The following COLQ variants were observed in gnomAD, a reference collection of about 807,000 sequenced individuals.
The protein encoded by COLQ is acetylcholinesterase collagenic tail peptide.
In COLQ, 48 loss-of-function variants were observed where a neutral mutation model predicts 69.0. The observed-to-expected ratio is 0.70, with a 90% CI of 0.55 to 0.88. The LOEUF (loss-of-function observed/expected upper bound fraction) is 0.88. Ranked by LOEUF, COLQ falls within the 40% of genes least tolerant of loss-of-function variation. COLQ has a pLI of 0.00. For synonymous variants in COLQ, 217 were observed against 211.2 expected, an observed-to-expected ratio of 1.03 and a Z score of -0.24; for missense variants, 618 against 594.6, an observed-to-expected ratio of 1.04 and a Z score of -0.41.
chr3:15,521,457 A>G (rs1190071196), intron 1 of COLQ, 63 bp downstream of exon 1: 2 of 1,606,004 alleles, frequency 1.2e-6, no homozygotes, highest in Non-Finnish European at 1.7e-6. Flanking sequence ...TTGCAAAACA[A>G]TCTTCCTTCC....
chr3:15,485,164 C>T (rs927738061), intron 3 of COLQ, among the ~76,000 whole-genome samples: 2 of 152,238 alleles, frequency 1.3e-5, no homozygotes, highest in Non-Finnish European at 2.9e-5. Flanking sequence ...TGGAGGTCCA[C>T]TCCAGACCCT....
intron 1 of COLQ, among the ~76,000 whole-genome samples, chr3:15,515,350 C>G (rs544508364): frequency 5.9e-5 from 9 of 152,154 alleles, no homozygotes; most frequent in Admixed American, 2.0e-4. Flanking sequence ...CAGTTCATAA[C>G]CAAGGGAGGC....
At chr3:15,460,180 G>A (rs1030207307) in intron 12 of COLQ, among the ~76,000 whole-genome samples, 4 of 152,184 alleles carry the variant, frequency 2.6e-5, no homozygotes, top group Admixed American at 6.5e-5. Context: ...GTAGAATGTC[G>A]CTCCACAAGG....
chr3:15,491,553 A>G (rs1215004175), intron 1 of COLQ, among the ~76,000 whole-genome samples: 1 of 152,248 alleles, frequency 6.6e-6, no homozygotes. Context: ...CCGTGCACAC[A>G]CACTCGCTCG....
intron 11 of COLQ, among the ~76,000 whole-genome samples, chr3:15,469,483 C>T (rs1559517452): frequency 6.6e-6 from 1 of 152,110 alleles, no homozygotes; most frequent in Non-Finnish European, 1.5e-5. Flanking sequence ...CCATGCTACC[C>T]ATGATCAAAG....
chr3:15,496,277 C>T, intron 1 of COLQ: 2 of 153,772 alleles, frequency 1.3e-5, no homozygotes, highest in Middle Eastern at 1.1e-3. Flanking sequence ...CCATCTATTT[C>T]TGCCCTCCCC....
intron 4 of COLQ, 149 bp from the exon 5 acceptor site, chr3:15,479,152 C>T (rs1405604467): frequency 9.5e-6 from 11 of 1,160,400 alleles, no homozygotes; most frequent in Middle Eastern, 1.9e-4. Context: ...CGATAGGCCA[C>T]GTCAAAATAC....
At chr3:15,480,899 T>C (rs920147841) in intron 3 of COLQ, among the ~76,000 whole-genome samples, 7 of 152,250 alleles carry the variant, frequency 4.6e-5, no homozygotes, top group Admixed American at 2.0e-4. Context: ...TATCTCATTG[T>C]GGTTTTGATT....
At chr3:15,456,760 C>T (rs2062032335) in intron 13 of COLQ, among the ~76,000 whole-genome samples, 181 bp from the exon 14 acceptor site, 2 of 152,200 alleles carry the variant, frequency 1.3e-5, no homozygotes, top group African/African-American at 4.8e-5. Flanking sequence ...CTCATCTTCT[C>T]AATCGAGTTC....
At chr3:15,467,670 T>C (rs2062219004) in intron 11 of COLQ, 1 of 351,204 alleles carries the variant, frequency 2.8e-6, no homozygotes, top group Non-Finnish European at 5.6e-6. Context: ...TTGCTAATTG[T>C]CTGCTCTTGC....
At chr3:15,455,863 C>T in intron 15 of COLQ, 36 bp downstream of exon 15, 1 of 1,613,534 alleles carries the variant, frequency 6.2e-7, no homozygotes. Context: ...CCCTGCTGTT[C>T]AGGCCTCAGG....
intron 12 of COLQ, among the ~76,000 whole-genome samples, chr3:15,460,194 G>A (rs1194116806): frequency 6.6e-6 from 1 of 152,222 alleles, no homozygotes; most frequent in East Asian, 1.9e-4. Context: ...CACAAGGACA[G>A]GGCTAGTGCC....
At chr3:15,458,392 T>A (rs2062056882) in intron 12 of COLQ, 67 bp from the exon 13 acceptor site, 1 of 1,581,400 alleles carries the variant, frequency 6.3e-7, no homozygotes, top group Admixed American at 1.7e-5. Context: ...CAGGGAGATG[T>A]GAGCGACCTT....
At chr3:15,502,999 C>G (rs2062853255) in intron 1 of COLQ, among the ~76,000 whole-genome samples, 1 of 152,182 alleles carries the variant, frequency 6.6e-6, no homozygotes, top group Admixed American at 6.5e-5. Context: ...TGATCTGGAC[C>G]ACATAGCAAG....
intron 11 of COLQ, among the ~76,000 whole-genome samples, chr3:15,468,207 G>A (rs1181418915): frequency 2.0e-5 from 3 of 151,630 alleles, no homozygotes; most frequent in East Asian, 3.9e-4. Flanking sequence ...AATGAGCCAC[G>A]TCTCTATCAG....
chr3:15,455,964 TC>T lies in COLQ; in HGVS notation c.1129del (p.Asp377MetfsTer49), dbSNP rs1559511788. 7 of 1,613,548 alleles carry T rather than the reference TC, an allele frequency of 4.3e-6. No homozygotes were observed. Among genetic ancestry groups the T allele is most frequent in the Non-Finnish European group, 5.9e-6 (7 of 1,179,826 alleles). The stretch of plus-strand genomic sequence containing the variant: ...CTCCTCCCCAGGCTGCAGGAGCCCA[TC>T]CCCACAGGTGCCGTGCTGGTCTGCA... ...YTADQHGTCG[D>X]GLLQPGEECD... On this transcript the variant is annotated frameshift_variant, in exon 15 of 17. Coordinates refer to ENST00000383788, the MANE Select transcript of COLQ (RefSeq NM_005677.4). LOFTEE classifies it high-confidence loss of function.
At chr3:15,484,791 A>G (rs2062548177) in intron 3 of COLQ, among the ~76,000 whole-genome samples, 1 of 152,052 alleles carries the variant, frequency 6.6e-6, no homozygotes, top group African/African-American at 2.4e-5. Flanking sequence ...TCTTCTCTAC[A>G]CTGTTTATTC....
intron 11 of COLQ, among the ~76,000 whole-genome samples, chr3:15,469,829 C>T (rs1453687379): frequency 1.3e-5 from 2 of 152,140 alleles, no homozygotes; most frequent in Admixed American, 1.3e-4. Flanking sequence ...ACCGGCCCCA[C>T]CCCCAGGTGA....
chr3:15,451,707 A>G lies in COLQ; in HGVS notation c.1305T>C (p.Tyr435=). 1 of 1,613,894 alleles carries G rather than the reference A, an allele frequency of 6.2e-7. No homozygotes were observed. The highest frequency in any genetic ancestry group is 8.5e-7 in the Non-Finnish European group (1 of 1,179,820). The stretch of plus-strand genomic sequence containing the variant: ...AGTACTGGGTGCATTGCAGGTCTCC[A>G]TATGACCTGAGGGAGGCAAAGACAC... ...LTCETYLPGS[Y]GDLQCTQYCY... is the part of the protein sequence containing the mutation. Residue 435 remains tyrosine, a synonymous_variant, in exon 17 of 17, where the codon TAT becomes TAC. Coordinates refer to ENST00000383788, the MANE Select transcript of COLQ (RefSeq NM_005677.4).
Sources: allele counts gnomAD v4.1 joint callset (sites outside exome capture counted in the v4.1 genomes callset), GRCh38; gene constraint gnomAD v4.1.1; transcripts MANE v1.5; gene names NCBI Gene and HGNC (gene_info 2026-07-23, HGNC 2026-07-21).